Variants in MANSC1 observed in about 807,000 individuals in gnomAD.
MANSC1 encodes MANSC domain containing 1, also known as MANSC domain-containing protein 1.
MANSC1 carries 13 observed loss-of-function variants against 14.1 expected under a neutral mutation model. The ratio of observed to expected loss-of-function variants is 0.92; its 90% CI spans 0.60 to 1.46. The LOEUF is 1.46. MANSC1 is among the 40% of genes most tolerant of loss of function. The probability of loss-of-function intolerance (pLI) is 0.00; values close to 1 mark genes in which losing one functional copy is unlikely to be tolerated. For synonymous variants in MANSC1, 227 were observed against 200.7 expected, an observed-to-expected ratio of 1.13 and a Z score of -1.11; for missense variants, 486 against 511.4, an observed-to-expected ratio of 0.95 and a Z score of 0.48.
chr12:12,345,282 T>C lies in MANSC1; in HGVS notation c.-100-1868A>G, dbSNP rs190629264. 1.3e-3 allele frequency among the ~76,000 whole-genome samples: 191 copies of C among 145,462 alleles called. 2 individuals carry two copies. The highest frequency in any genetic ancestry group is 4.5e-4 in the Non-Finnish European group (30 of 67,044). On this transcript the variant is annotated intron_variant, in intron 1 of 3. Coordinates refer to ENST00000535902, the MANE Select transcript of MANSC1 (RefSeq NM_018050.4). ...TTGCAGCAAGCCACGATTGCACCACTGCACTCCAGCCTGGGTGACAAGAGC... is the reference window on the plus strand; with the variant it reads ...TTGCAGCAAGCCACGATTGCACCACCGCACTCCAGCCTGGGTGACAAGAGC...
chr12:12,342,576 GTTTTTTTGTTTTTT>G (rs1342568283), intron 2 of MANSC1, among the ~76,000 whole-genome samples: 12 of 103,998 alleles, frequency 1.2e-4, no homozygotes, highest in Non-Finnish European at 1.7e-4. Context: ...AGTAGTCAGT[GTTTTTTTGTTTTTT>G]TTTTTTTTTT....
intron 1 of MANSC1, among the ~76,000 whole-genome samples, chr12:12,347,008 G>A (rs920877317): frequency 6.6e-6 from 1 of 151,466 alleles, no homozygotes; most frequent in East Asian, 1.9e-4. Context: ...ACACACATCT[G>A]ATAAAGCAGC....
chr12:12,335,318 C>T (rs994725252), intron 3 of MANSC1, among the ~76,000 whole-genome samples: 5 of 150,394 alleles, frequency 3.3e-5, no homozygotes, highest in Admixed American at 2.0e-4. Flanking sequence ...AGGGCGGCTA[C>T]GGTGAGCTTT....
In MANSC1 at chr12:12,330,157, G is replaced by T; in HGVS notation, c.1166C>A (p.Ser389Tyr). 1 of 1,614,124 alleles carries T rather than the reference G, an allele frequency of 6.2e-7. No homozygotes were observed. The highest frequency in any genetic ancestry group is 8.5e-7 in the Non-Finnish European group (1 of 1,180,038). Residue 389 changes from serine (S) to tyrosine (Y), a missense_variant, in exon 4 of 4, where the codon TCC becomes TAC. By Grantham distance (144) the Ser-to-Tyr change is moderately radical. Transcript: ENST00000535902. The part of the protein sequence containing the change: ...LPFEKWLLIG[S>Y]LLFGVLFLVI... ...CAGGAACAGGACACCAAAGAGCAGGGACCCGATAAGAAGCCATTTTTCAAA... is the reference window on the plus strand; with the variant it reads ...CAGGAACAGGACACCAAAGAGCAGGTACCCGATAAGAAGCCATTTTTCAAA...
At chr12:12,344,768 C>T (rs1332394903) in intron 1 of MANSC1, among the ~76,000 whole-genome samples, 3 of 150,014 alleles carry the variant, frequency 2.0e-5, no homozygotes, top group Non-Finnish European at 4.4e-5. Context: ...CGCCCAGCCC[C>T]AGCCTATATC....
chr12:12,330,693 G>C lies in MANSC1; in HGVS notation c.630C>G (p.Ser210=). Residue 210 remains serine (S), a synonymous_variant, in exon 4 of 4, where the codon TCC becomes TCG. Coordinates refer to ENST00000535902, the MANE Select transcript of MANSC1 (RefSeq NM_018050.4). ...GCAGATGAGCTATTTCTTGATCAGA[G>C]GAAAATTGTGAACTCTGAGAATGGC... ...EKGHSQSSQF[S]SDQEIAHLLP... is the part of the protein sequence containing the mutation. 5.6e-6 allele frequency: 9 copies of C among 1,614,216 alleles called. No individual in the cohort carries two copies. Among genetic ancestry groups the C allele is most frequent in the Non-Finnish European group, 7.6e-6 (9 of 1,180,046 alleles).
intron 3 of MANSC1, among the ~76,000 whole-genome samples, chr12:12,332,100 G>A (rs1468827441): frequency 2.0e-5 from 3 of 152,142 alleles, no homozygotes; most frequent in African/African-American, 7.2e-5. Flanking sequence ...ACCTGTTCAA[G>A]CAATCAAGTG....
chr12:12,349,597 A>T (rs564023645), intron 1 of MANSC1, among the ~76,000 whole-genome samples: 1 of 152,230 alleles, frequency 6.6e-6, no homozygotes, highest in East Asian at 1.9e-4. Context: ...ACGTCTGCAT[A>T]CAAGAGTCGC....
At position 12,330,217 on chromosome 12, in the gene MANSC1, T is replaced by C; in HGVS notation, c.1106A>G (p.Gln369Arg). The change falls in exon 4 of 4, where the codon CAG becomes CGG. Residue 369 changes from glutamine to arginine, a missense_variant. Physicochemically the swap from Gln to Arg is conservative, Grantham distance 43 (BLOSUM62 1). Coordinates refer to ENST00000535902, the MANE Select transcript of MANSC1 (RefSeq NM_018050.4). ...GTACTGATTTTCTGGAACACTGCCC[T>C]GGGAGGAACTGCCTGGACTGGCCTC... is the stretch of plus-strand genomic sequence containing the variant. Reference protein sequence around the residue: ...GREASPGSSSQGSVPENQYGL... With the variant: ...GREASPGSSSRGSVPENQYGL... 6.2e-7 allele frequency: 1 copy of C among 1,614,212 alleles called. No individual in the cohort carries two copies. Among genetic ancestry groups the C allele is most frequent in the East Asian group, 2.2e-5 (1 of 44,882 alleles).
chr12:12,338,727 T>C lies in MANSC1; in HGVS notation c.224-167A>G. 4 of 653,120 alleles carry C rather than the reference T, an allele frequency of 6.1e-6. No homozygotes were observed. The South Asian group carries it at 8.5e-5, about 14-fold the overall frequency. 40.5% of individuals were successfully genotyped at this position (653,120 alleles called of 1,614,324 possible). The stretch of plus-strand genomic sequence containing the variant: ...ATTTCCTTTTCCTTAGCTTAGTTGC[T>C]TAAGGCAATTTTAAAAAACATTGGG... On this transcript the variant is annotated intron_variant, in intron 2 of 3. Transcript: ENST00000535902.
chr12:12,334,524 G>C lies in MANSC1; in HGVS notation c.365-3566C>G, dbSNP rs113923587. 1.5e-3 allele frequency among the ~76,000 whole-genome samples: 231 copies of C among 152,238 alleles called. 1 individual carries two copies. Among genetic ancestry groups the C allele is most frequent in the African/African-American group, 5.3e-3 (220 of 41,532 alleles). On this transcript the variant is annotated intron_variant, in intron 3 of 3. Coordinates refer to ENST00000535902, the MANE Select transcript of MANSC1 (RefSeq NM_018050.4). ...CCTTTGCATACTATGTCCGGGGTTG[G>C]TGCCACGTTGCCCCTAGGTGTCCAT...
At chr12:12,332,971 T>C (rs974630811) in intron 3 of MANSC1, among the ~76,000 whole-genome samples, 6 of 152,108 alleles carry the variant, frequency 3.9e-5, no homozygotes, top group Non-Finnish European at 7.4e-5. Flanking sequence ...GCAGAAAAAG[T>C]TGGTGGACAT....
intron 3 of MANSC1, among the ~76,000 whole-genome samples, chr12:12,336,954 A>G (rs936653909): frequency 1.3e-5 from 2 of 152,192 alleles, no homozygotes; most frequent in Non-Finnish European, 2.9e-5. Flanking sequence ...GAGTATGATG[A>G]TAACTTTCTA....
In MANSC1 at chr12:12,328,978, ACT is replaced by A. The variant is rs1243861626; in HGVS notation, c.*1047_*1048del. The A allele has an allele frequency of 3.4e-5, 4 of 119,076 alleles. No homozygotes were observed. Among genetic ancestry groups the A allele is most frequent in the Non-Finnish European group, 5.1e-5 (3 of 59,064 alleles). The allele number at this position is 119,076 out of a possible 1,614,324, so 7.4% of individuals were successfully genotyped here. A position where few individuals can be genotyped will look rare whatever the true frequency, so the allele number is the denominator to read the frequency against. ...ACTCTAGCCTGGGTGACAGAGCAAG[ACT>A]CTGTCACACACACACACACACACAC... On this transcript the variant is annotated 3_prime_UTR_variant, in exon 4 of 4. Coordinates refer to ENST00000535902, the MANE Select transcript of MANSC1 (RefSeq NM_018050.4).
intron 2 of MANSC1, among the ~76,000 whole-genome samples, chr12:12,342,860 T>A (rs1395314518): frequency 1.3e-5 from 2 of 152,184 alleles, no homozygotes; most frequent in East Asian, 3.8e-4. Flanking sequence ...CACCAGTGAT[T>A]CTCAACCTCT....
At chr12:12,344,475 C>A in intron 1 of MANSC1, among the ~76,000 whole-genome samples, 2 of 142,066 alleles carry the variant, frequency 1.4e-5, no homozygotes, top group African/African-American at 2.6e-5. Flanking sequence ...CAGCCTATAT[C>A]TTTTTTTTTT....
Position 12,329,876 on chromosome 12 carries a change from A to G in MANSC1, c.*151T>C. 1.5e-6 allele frequency: 1 copy of G among 653,670 alleles called. No homozygotes were observed. Among genetic ancestry groups the G allele is most frequent in the Non-Finnish European group, 2.6e-6 (1 of 391,790 alleles). 40.5% of individuals were successfully genotyped at this position (653,670 alleles called of 1,614,324 possible). On this transcript the variant is annotated 3_prime_UTR_variant, in exon 4 of 4. Coordinates refer to ENST00000535902, the MANE Select transcript of MANSC1 (RefSeq NM_018050.4). ...ACTCCAGCCTGGGCAACAAAGCAAG[A>G]CTCTGTCTCCAAAAAAAAAAAAGGA...
rs532594028 is a variant in MANSC1, at chr12:12,327,773, A to T, written c.*2254T>A. The T allele has an allele frequency of 3.9e-5, 6 of 152,334 alleles. No homozygotes were observed. The highest frequency in any genetic ancestry group is 2.6e-4 in the Admixed American group (4 of 15,294). The allele number at this position is 152,334 out of a possible 1,614,324, so 9.4% of individuals were successfully genotyped here. On this transcript the variant is annotated 3_prime_UTR_variant, in exon 4 of 4. Coordinates refer to ENST00000535902, the MANE Select transcript of MANSC1 (RefSeq NM_018050.4). ...CTTGGAGATTTGTGTCAAGCTGTTAAGTTGGAAAATATAAGAAAAGTAGTA... is the reference window on the plus strand; with the variant it reads ...CTTGGAGATTTGTGTCAAGCTGTTATGTTGGAAAATATAAGAAAAGTAGTA...
chr12:12,336,160 A>G (rs1862856816), intron 3 of MANSC1, among the ~76,000 whole-genome samples: 1 of 152,094 alleles, frequency 6.6e-6, no homozygotes, highest in African/African-American at 2.4e-5. Context: ...AACAAACAAA[A>G]AAACTCCCTC....
Sources: allele counts gnomAD v4.1 joint callset (sites outside exome capture counted in the v4.1 genomes callset), GRCh38; gene constraint gnomAD v4.1.1; transcripts MANE v1.5; gene names NCBI Gene and HGNC (gene_info 2026-07-23, HGNC 2026-07-21).